The following UBQLN1 variants were observed in gnomAD, a reference collection of about 807,000 sequenced individuals.
The protein encoded by UBQLN1 is ubiquilin-1.
A neutral mutation model predicts 65.4 loss-of-function variants in UBQLN1; 13 were observed. The ratio of observed to expected loss-of-function variants is 0.20; its 90% confidence interval spans 0.13 to 0.32. UBQLN1 has a LOEUF of 0.32. UBQLN1 is among the 10% of genes least tolerant of loss of function. UBQLN1 has a pLI of 1.00. For missense variants in UBQLN1, 561 were observed against 724.0 expected, an observed-to-expected ratio of 0.77 and a Z score of 2.58; for synonymous variants, 267 against 247.8, an observed-to-expected ratio of 1.08 and a Z score of -0.73.
intron 1 of UBQLN1, among the ~76,000 whole-genome samples, chr9:83,686,587 C>T (rs1274925541): frequency 6.6e-6 from 1 of 152,128 alleles, no homozygotes; most frequent in African/African-American, 2.4e-5. Context: ...TATCCTTATT[C>T]TTTTTATGTT....
intron 6 of UBQLN1, among the ~76,000 whole-genome samples, chr9:83,669,766 A>C (rs972125162): frequency 6.6e-6 from 1 of 152,222 alleles, no homozygotes; most frequent in African/African-American, 2.4e-5. Flanking sequence ...CCAAGGCAAC[A>C]AAAGATGTAA....
At position 83,707,860 on chromosome 9, in the gene UBQLN1, C is replaced by T. The variant is rs920024702; in HGVS notation, c.-181G>A. Reference sequence around the variant, plus strand: ...GTGGGGCCCCGGAGCTCGGTGCAGGCTCTGGCGCAGGCCCGGGTCAGGCGC... The same window carrying T: ...GTGGGGCCCCGGAGCTCGGTGCAGGTTCTGGCGCAGGCCCGGGTCAGGCGC... On this transcript the variant is annotated 5_prime_UTR_variant, in exon 1 of 11. Coordinates refer to ENST00000376395, the MANE Select transcript of UBQLN1 (RefSeq NM_013438.5). 7.7e-6 allele frequency: 7 copies of T among 904,082 alleles called. No individual in the cohort carries two copies. In the Admixed American group the frequency reaches 2.7e-4, roughly 35 times the overall value. The allele number at this position is 904,082 out of a possible 1,614,324, so 56.0% of individuals were successfully genotyped here.
intron 10 of UBQLN1, among the ~76,000 whole-genome samples, chr9:83,663,597 A>C (rs1831597016): frequency 6.6e-6 from 1 of 152,168 alleles, no homozygotes; most frequent in Admixed American, 6.5e-5. Flanking sequence ...GGAACAAAAA[A>C]AATGCATTTT....
chr9:83,695,691 G>A (rs1162798946), intron 1 of UBQLN1, among the ~76,000 whole-genome samples: 1 of 152,150 alleles, frequency 6.6e-6, no homozygotes, highest in Non-Finnish European at 1.5e-5. Context: ...CAGGCAGACT[G>A]TTGCCATATC....
intron 1 of UBQLN1, among the ~76,000 whole-genome samples, chr9:83,706,298 CAT>C (rs1474592989): frequency 2.6e-5 from 4 of 152,168 alleles, no homozygotes; most frequent in Non-Finnish European, 4.4e-5. Flanking sequence ...AGATGATGGA[CAT>C]ATGTGTATCC....
At chr9:83,685,785 C>T (rs1379435456) in intron 2 of UBQLN1, among the ~76,000 whole-genome samples, 2 of 152,118 alleles carry the variant, frequency 1.3e-5, no homozygotes, top group South Asian at 2.1e-4. Flanking sequence ...TAACTAAATA[C>T]CAATGAACCT....
intron 10 of UBQLN1, 128 bp downstream of exon 10, chr9:83,663,745 CTG>C (rs2131139785): frequency 2.0e-6 from 2 of 1,006,180 alleles, no homozygotes; most frequent in Non-Finnish European, 2.8e-6. Context: ...ATCCTTAAGA[CTG>C]TATTTTTCAT....
At chr9:83,663,548 T>A (rs939928581) in intron 10 of UBQLN1, among the ~76,000 whole-genome samples, 2 of 152,114 alleles carry the variant, frequency 1.3e-5, no homozygotes, top group Admixed American at 1.3e-4. Context: ...CCCTAAGAAC[T>A]TTTTTAAAGC....
chr9:83,678,624 GA>G (rs371018804), intron 4 of UBQLN1, 25 bp from the exon 5 acceptor site: 1,357 of 1,410,670 alleles, frequency 9.6e-4, no homozygotes, highest in South Asian at 2.4e-3. Context: ...TCCAAAAAAA[GA>G]AAAAAAAAAG....
At chr9:83,703,957 T>A (rs1832354256) in intron 1 of UBQLN1, among the ~76,000 whole-genome samples, 1 of 152,228 alleles carries the variant, frequency 6.6e-6, no homozygotes, top group African/African-American at 2.4e-5. Context: ...TATTACAGCA[T>A]GTTCATATAA....
In UBQLN1 at chr9:83,662,267, T is replaced by TATACACACACAC. The variant is rs1471415720; in HGVS notation, c.1618-329_1618-328insGTGTGTGTGTAT. Among the ~76,000 whole-genome samples, 21 of 129,086 alleles carry TATACACACACAC rather than the reference T, an allele frequency of 1.6e-4. No homozygotes were observed. In the South Asian group the frequency reaches 2.3e-3, roughly 14 times the overall value. The allele number at this position is 129,086 out of a possible 152,430, so 84.7% of individuals were successfully genotyped here. A position where few individuals can be genotyped will look rare whatever the true frequency, so the allele number is the denominator to read the frequency against. On this transcript the variant is annotated intron_variant, in intron 10 of 10. Transcript: ENST00000376395. ...CTGTATGTGTGTGTGTATATACATA[T>TATACACACACAC]ACATATACACACACACACACACACA... is the stretch of plus-strand genomic sequence containing the variant.
chr9:83,675,692 A>T (rs1831820515), intron 6 of UBQLN1, among the ~76,000 whole-genome samples: 1 of 152,214 alleles, frequency 6.6e-6, no homozygotes, highest in South Asian at 2.1e-4. Flanking sequence ...TATCTAATGG[A>T]ATTCTATAAA....
intron 7 of UBQLN1, chr9:83,668,714 A>G: frequency 2.4e-6 from 2 of 849,858 alleles, no homozygotes; most frequent in Non-Finnish European, 2.8e-6. Context: ...AGTTGAAAGA[A>G]GGAGAACATT....
At chr9:83,692,059 C>T (rs866329204) in intron 1 of UBQLN1, among the ~76,000 whole-genome samples, 3 of 152,228 alleles carry the variant, frequency 2.0e-5, no homozygotes, top group Non-Finnish European at 2.9e-5. Flanking sequence ...AAACTTGGAA[C>T]AAGCAAGCAA....
chr9:83,700,270 G>A (rs1832288948), intron 1 of UBQLN1, among the ~76,000 whole-genome samples: 1 of 152,178 alleles, frequency 6.6e-6, no homozygotes, highest in Non-Finnish European at 1.5e-5. Flanking sequence ...GTCAAGAGTT[G>A]TGCCTGGAGA....
At chr9:83,673,145 G>A (rs895774516) in intron 6 of UBQLN1, among the ~76,000 whole-genome samples, 2 of 152,094 alleles carry the variant, frequency 1.3e-5, no homozygotes, top group African/African-American at 4.8e-5. Flanking sequence ...AGGGAGAATC[G>A]TTTGAACCCA....
chr9:83,675,465 C>T (rs572273656), intron 6 of UBQLN1, among the ~76,000 whole-genome samples: 14 of 133,796 alleles, frequency 1.0e-4, no homozygotes, highest in South Asian at 2.3e-4. Context: ...CTTCCTATGC[C>T]GTCAAAAAAA....
At chr9:83,670,487 A>G (rs978242994) in intron 6 of UBQLN1, among the ~76,000 whole-genome samples, 4 of 152,062 alleles carry the variant, frequency 2.6e-5, no homozygotes, top group African/African-American at 4.8e-5. Context: ...TTCCCAGCGC[A>G]TACAAAAGTT....
intron 6 of UBQLN1, among the ~76,000 whole-genome samples, chr9:83,674,371 C>A (rs1003814835): frequency 6.6e-6 from 1 of 152,094 alleles, no homozygotes; most frequent in Non-Finnish European, 1.5e-5. Context: ...GCCGGACCAA[C>A]CACTCATCAC....
Sources: gnomAD v4.1 joint callset for allele counts (sites outside exome capture counted in the v4.1 genomes callset) on GRCh38, gnomAD v4.1.1 for gene constraint, MANE v1.5 for transcripts, NCBI Gene and HGNC (gene_info 2026-07-23, HGNC 2026-07-21) for gene names.